The following NUP93 variants were observed in gnomAD, a reference collection of about 807,000 sequenced individuals.
The protein encoded by NUP93 is nuclear pore complex protein Nup93.
Under a neutral mutation model 107.8 loss-of-function variants are expected in NUP93, and 55 were observed. That is an observed-to-expected ratio of 0.51 (90% confidence interval 0.41 to 0.64). The LOEUF is 0.64. NUP93 is among the 30% of genes least tolerant of loss of function. The probability of loss-of-function intolerance (pLI) is 0.00; values close to 1 mark genes in which losing one functional copy is unlikely to be tolerated. For synonymous variants in NUP93, 390 were observed against 397.5 expected, an observed-to-expected ratio of 0.98 and a Z score of 0.22; for missense variants, 937 against 1,044.7, an observed-to-expected ratio of 0.90 and a Z score of 1.42.
chr16:56,847,485 T>C lies in NUP93; in HGVS notation c.*2876T>C, dbSNP rs1395295943. 4 of 152,108 alleles carry C rather than the reference T, an allele frequency of 2.6e-5. No individual in the cohort carries two copies. Among genetic ancestry groups the C allele is most frequent in the African/African-American group, 9.7e-5 (4 of 41,386 alleles). The allele number at this position is 152,108 out of a possible 1,614,324, so 9.4% of individuals were successfully genotyped here. On this transcript the variant is annotated 3_prime_UTR_variant, in exon 22 of 22. Coordinates refer to ENST00000308159, the MANE Select transcript of NUP93 (RefSeq NM_014669.5). ...TGAGATTTCGATCTTTCTAATGAAA[T>C]TGGGGGCACTTTGAGACTGTCAGGG...
intron 3 of NUP93, among the ~76,000 whole-genome samples, chr16:56,791,818 G>C (rs146457190): frequency 6.6e-6 from 1 of 152,310 alleles, no homozygotes; most frequent in East Asian, 1.9e-4. Context: ...TGGAGATACT[G>C]CTTGGACAGA....
chr16:56,766,243 A>C (rs1296937207), intron 3 of NUP93, among the ~76,000 whole-genome samples: 2 of 152,222 alleles, frequency 1.3e-5, no homozygotes, highest in Non-Finnish European at 2.9e-5. Context: ...AAGAAGTTGG[A>C]ATGGTTCTCT....
At chr16:56,808,205 A>T (rs976699145) in intron 5 of NUP93, among the ~76,000 whole-genome samples, 8,641 of 50,128 alleles carry the variant, frequency 0.17, 58 homozygotes, top group Non-Finnish European at 0.22. Flanking sequence ...ACTATATAAA[A>T]TATATAGTTA....
At chr16:56,807,950 G>C (rs750439526) in intron 5 of NUP93, among the ~76,000 whole-genome samples, 124 of 150,692 alleles carry the variant, frequency 8.2e-4, no homozygotes, top group Non-Finnish European at 1.6e-4. Context: ...TGAACCAGGG[G>C]AGTCGGAGGT....
intron 3 of NUP93, among the ~76,000 whole-genome samples, chr16:56,790,529 C>T (rs1487708983): frequency 6.6e-6 from 1 of 152,186 alleles, no homozygotes; most frequent in Non-Finnish European, 1.5e-5. Context: ...TTCTGTTGTG[C>T]TCATCTGAAA....
At chr16:56,805,910 A>G (rs1381090276) in intron 5 of NUP93, among the ~76,000 whole-genome samples, 1 of 151,576 alleles carries the variant, frequency 6.6e-6, no homozygotes, top group Non-Finnish European at 1.5e-5. Context: ...TTCTCTCTCA[A>G]TCGCTATCCT....
chr16:56,845,440 A>G lies in NUP93; in HGVS notation c.*831A>G, dbSNP rs925028654. On this transcript the variant is annotated 3_prime_UTR_variant, in exon 22 of 22. Coordinates refer to ENST00000308159, the MANE Select transcript of NUP93 (RefSeq NM_014669.5). ...ACCCCCTTCCCCACTCATTAAGGTA[A>G]TTGGCCAGGCAGGCTCATGGGTCAC... 6.6e-5 allele frequency: 10 copies of G among 152,170 alleles called. No individual in the cohort carries two copies. Among genetic ancestry groups the G allele is most frequent in the African/African-American group, 2.4e-4 (10 of 41,400 alleles). 9.4% of individuals were successfully genotyped at this position (152,170 alleles called of 1,614,324 possible).
intron 1 of NUP93, among the ~76,000 whole-genome samples, chr16:56,740,252 G>C (rs1395850299): frequency 4.7e-3 from 666 of 140,376 alleles, no homozygotes; most frequent in African/African-American, 0.018. Flanking sequence ...GGGCGGAGGG[G>C]CTCCTCACTT....
intron 5 of NUP93, among the ~76,000 whole-genome samples, chr16:56,817,041 G>T (rs1963448022): frequency 6.6e-6 from 1 of 152,176 alleles, no homozygotes; most frequent in Non-Finnish European, 1.5e-5. Context: ...AGAGTGTAAA[G>T]ATGTGAGAAG....
chr16:56,751,800 A>G (rs377652795), intron 2 of NUP93, among the ~76,000 whole-genome samples: 22 of 152,278 alleles, frequency 1.4e-4, no homozygotes, highest in Middle Eastern at 3.4e-3. Context: ...TCCAGCTTCC[A>G]TGACTTTCTG....
chr16:56,793,192 T>C (rs535294540), intron 3 of NUP93, among the ~76,000 whole-genome samples: 1 of 152,164 alleles, frequency 6.6e-6, no homozygotes, highest in African/African-American at 2.4e-5. Context: ...CAGGCAAGGG[T>C]CTGTTTCAGC....
chr16:56,831,086 C>T (rs1440256486), intron 10 of NUP93, among the ~76,000 whole-genome samples: 2 of 152,162 alleles, frequency 1.3e-5, no homozygotes, highest in African/African-American at 4.8e-5. Flanking sequence ...TCACGTACTT[C>T]GTAGCTTAAA....
chr16:56,801,910 G>A (rs1390311641), intron 4 of NUP93, among the ~76,000 whole-genome samples: 4 of 152,080 alleles, frequency 2.6e-5, no homozygotes, highest in Admixed American at 2.0e-4. Context: ...TTGTCATTCT[G>A]ACCCTTACCT....
chr16:56,771,119 A>G (rs540077191), intron 3 of NUP93, among the ~76,000 whole-genome samples: 24 of 152,286 alleles, frequency 1.6e-4, no homozygotes, highest in Admixed American at 1.5e-3. Flanking sequence ...AAGTTCTGTG[A>G]CTTTGTCCTA....
At chr16:56,821,482 A>T (rs1963540329) in intron 6 of NUP93, 22 bp from the exon 7 acceptor site, 6 of 1,485,958 alleles carry the variant, frequency 4.0e-6, no homozygotes, top group Non-Finnish European at 5.6e-6. Flanking sequence ...TTTGCCATTT[A>T]CTTTGCTTTT....
chr16:56,788,568 C>T (rs1370173739), intron 3 of NUP93, among the ~76,000 whole-genome samples: 1 of 152,240 alleles, frequency 6.6e-6, no homozygotes, highest in African/African-American at 2.4e-5. Flanking sequence ...CAGAGCCCTT[C>T]AGTAACTGAG....
At chr16:56,741,920 A>G (rs1444571860) in intron 1 of NUP93, 3 of 152,264 alleles carry the variant, frequency 2.0e-5, no homozygotes, top group Admixed American at 6.5e-5. Context: ...CTCCCCATGC[A>G]AGTCAGTGAA....
chr16:56,834,140 C>T lies in NUP93; in HGVS notation c.1550C>T (p.Pro517Leu). 6.2e-7 allele frequency: 1 copy of T among 1,614,198 alleles called. No homozygotes were observed. The highest frequency in any genetic ancestry group is 8.5e-7 in the Non-Finnish European group (1 of 1,180,044). ...CCCCACAATGCAGTCAGCCACGAGC[C>T]TGGTGACCCTCCTTGCTTGCGGCGG... ...GQSAQLLSHE[P>L]GDPPCLRRLN... The change falls in exon 14 of 22, where the codon CCT becomes CTT. Residue 517 changes from proline to leucine, a missense_variant. Transcript: ENST00000308159.
chr16:56,833,502 C>A, intron 13 of NUP93, 96 bp downstream of exon 13: 1 of 961,198 alleles, frequency 1.0e-6, no homozygotes, highest in Non-Finnish European at 1.5e-6. Context: ...AGGATTTGAG[C>A]AAAGGGTACC....
Sources: gnomAD v4.1 joint callset for allele counts (sites outside exome capture counted in the v4.1 genomes callset) on GRCh38, gnomAD v4.1.1 for gene constraint, MANE v1.5 for transcripts, NCBI Gene and HGNC (gene_info 2026-07-23, HGNC 2026-07-21) for gene names.